MACC1: variants seen among roughly 807,000 people sequenced by gnomAD.
The protein encoded by MACC1 is MET transcriptional regulator MACC1, also known as metastasis-associated in colon cancer protein 1.
MACC1 carries 79 observed loss-of-function variants against 70.7 expected under a neutral mutation model. The observed-to-expected ratio is 1.12, with a 90% CI of 0.93 to 1.35. The LOEUF is 1.35. Among genes scored for constraint, MACC1 ranks in the 40% most tolerant of loss-of-function variants. The probability of loss-of-function intolerance (pLI) is 0.00; values close to 1 mark genes in which losing one functional copy is unlikely to be tolerated. For synonymous variants in MACC1, 361 were observed against 347.2 expected (o/e 1.04, Z -0.44); for missense variants, 1,106 against 978.1 (o/e 1.13, Z -1.74).
At chr7:20,181,146 T>C (rs1782500430) in intron 1 of MACC1, among the ~76,000 whole-genome samples, 1 of 152,016 alleles carries the variant, frequency 6.6e-6, no homozygotes, top group Non-Finnish European at 1.5e-5. Flanking sequence ...ATTCTCAATG[T>C]ACACATAAAC....
rs149826893 is a variant in MACC1, at chr7:20,173,551, A to C, written c.-217-2773T>G. Among the ~76,000 whole-genome samples, 48 of 152,328 alleles carry C rather than the reference A, an allele frequency of 3.2e-4. 3 individuals are homozygous for C. Among genetic ancestry groups the C allele is most frequent in the African/African-American group, 1.1e-3 (44 of 41,574 alleles). On this transcript the variant is annotated intron_variant, in intron 1 of 6. Coordinates refer to ENST00000400331, the MANE Select transcript of MACC1 (RefSeq NM_182762.4). ...ACACTTCTGGATAGTAAGGTGATGTAAAGGTTGCCTTTGGCATAAGTCCTT... is the reference window on the plus strand; with the variant it reads ...ACACTTCTGGATAGTAAGGTGATGTCAAGGTTGCCTTTGGCATAAGTCCTT...
At position 20,152,850 on chromosome 7, in the gene MACC1, A is replaced by T. The variant is rs193256785; in HGVS notation, c.2346+1343T>A. On this transcript the variant is annotated intron_variant, in intron 6 of 6. Coordinates refer to ENST00000400331, the MANE Select transcript of MACC1 (RefSeq NM_182762.4). Reference sequence around the variant, plus strand: ...ACTCTCAACAAAACTCTTTCAAAACAGAACCTTATTAAGAAAAAAAGGTCC... The same window carrying T: ...ACTCTCAACAAAACTCTTTCAAAACTGAACCTTATTAAGAAAAAAAGGTCC... Among the ~76,000 whole-genome samples the T allele has an allele frequency of 3.8e-3, 580 of 152,334 alleles. 1 individual carries two copies. Among genetic ancestry groups the T allele is most frequent in the Non-Finnish European group, 6.3e-3 (429 of 68,026 alleles).
intron 1 of MACC1, among the ~76,000 whole-genome samples, chr7:20,177,959 T>A (rs1349105261): frequency 7.2e-5 from 11 of 152,124 alleles, no homozygotes; most frequent in Non-Finnish European, 1.6e-4. Flanking sequence ...ACATGATTTT[T>A]AAATTTATCT....
Position 20,161,814 on chromosome 7 carries a change from T to C in MACC1, c.49A>G (p.Ser17Gly). 1 of 1,612,752 alleles carries C rather than the reference T, an allele frequency of 6.2e-7. No individual in the cohort carries two copies. The highest frequency in any genetic ancestry group is 1.1e-5 in the South Asian group (1 of 91,022). ...TCAATCAAATTTGCTTCAGACATAC[T>C]TTGTGCAATTCTTCCTGACCGAAAA... Reference protein sequence around the residue: ...KHFRSGRIAQSMSEANLIDME... With the variant: ...KHFRSGRIAQGMSEANLIDME... Residue 17 changes from serine (S) to glycine (G), a missense_variant, in exon 4 of 7, where the codon AGT becomes GGT. Physicochemically the swap from Ser to Gly is moderately conservative, Grantham distance 56 (BLOSUM62 0). Coordinates refer to ENST00000400331, the MANE Select transcript of MACC1 (RefSeq NM_182762.4).
At chr7:20,150,582 C>A (rs1781960395) in intron 6 of MACC1, 1 of 152,216 alleles carries the variant, frequency 6.6e-6, no homozygotes, top group African/African-American at 2.4e-5. Flanking sequence ...AATTATGAAT[C>A]TCTACAGGTG....
At position 20,159,083 on chromosome 7, in the gene MACC1, T is replaced by TAAAAATGACTGCTTCCCCCAGA; in HGVS notation, c.1256_1277dup (p.Leu426PhefsTer10). 4 of 1,612,524 alleles carry TAAAAATGACTGCTTCCCCCAGA rather than the reference T, an allele frequency of 2.5e-6. No individual in the cohort carries two copies. Among genetic ancestry groups the TAAAAATGACTGCTTCCCCCAGA allele is most frequent in the Non-Finnish European group, 3.4e-6 (4 of 1,179,600 alleles). On this transcript the variant is annotated frameshift_variant, in exon 5 of 7. Coordinates refer to ENST00000400331, the MANE Select transcript of MACC1 (RefSeq NM_182762.4). LOFTEE classifies it high-confidence loss of function. ...TACTTAAATCTTGTGGCTTGTCAAG[T>TAAAAATGACTGCTTCCCCCAGA]AAAAATGACTGCTTCCCCCAGAGCT...
At chr7:20,206,981 G>A (rs74792662) in intron 1 of MACC1, among the ~76,000 whole-genome samples, 1,935 of 152,140 alleles carry the variant, frequency 0.013, 36 homozygotes, top group African/African-American at 0.043. Context: ...TTAGTAATTT[G>A]ACTTCTTTTG....
rs1243057256 is a variant in MACC1 at position 20,158,555 on chromosome 7, G to A, written c.1806C>T (p.Leu602=). 4 of 1,613,886 alleles carry A rather than the reference G, an allele frequency of 2.5e-6. No homozygotes were observed. Among genetic ancestry groups the A allele is most frequent in the Non-Finnish European group, 3.4e-6 (4 of 1,179,962 alleles). Residue 602 remains leucine (L), a synonymous_variant, in exon 5 of 7, where the codon CTC becomes CTT. Transcript: ENST00000400331. ...SKVKEWYVGV[L]RGKIGLVHCK... is the part of the protein sequence containing the mutation. Reference sequence around the variant, plus strand: ...AGTGTACAAGTCCAATCTTACCTCTGAGGACTCCTACATACCATTCTTTCA... The same window carrying A: ...AGTGTACAAGTCCAATCTTACCTCTAAGGACTCCTACATACCATTCTTTCA...
At chr7:20,176,643 A>C (rs3094997) in intron 1 of MACC1, among the ~76,000 whole-genome samples, 73,732 of 152,022 alleles carry the variant, frequency 0.49, 19,643 homozygotes, top group East Asian at 0.86. Context: ...ATAGCAGCTT[A>C]GTATTTAATA....
At position 20,166,893 on chromosome 7, in the gene MACC1, A is replaced by C. The variant is rs1483940468; in HGVS notation, c.-152-2494T>G. Among the ~76,000 whole-genome samples, 3 of 152,222 alleles carry C rather than the reference A, an allele frequency of 2.0e-5. No individual in the cohort carries two copies. In the South Asian group the frequency reaches 6.2e-4, roughly 31 times the overall value. On this transcript the variant is annotated intron_variant, in intron 2 of 6. Transcript: ENST00000400331. ...GCATAACATCATATTAGTGAGACTA[A>C]ATCAGGGATATAAAAACAGTAGGTC...
At chr7:20,193,091 A>G (rs568496127) in intron 1 of MACC1, among the ~76,000 whole-genome samples, 61 of 152,342 alleles carry the variant, frequency 4.0e-4, no homozygotes, top group African/African-American at 1.4e-3. Context: ...CAGAAGGTAT[A>G]CAATAATATC....
chr7:20,214,980 C>T (rs1341090009), intron 1 of MACC1, among the ~76,000 whole-genome samples: 1 of 152,180 alleles, frequency 6.6e-6, no homozygotes, highest in Non-Finnish European at 1.5e-5. Context: ...ATTCAGGGCA[C>T]TGTGACTGCC....
chr7:20,139,688 A>G lies in MACC1; in HGVS notation c.*1258T>C, dbSNP rs145234147. 8 of 152,388 alleles carry G rather than the reference A, an allele frequency of 5.2e-5. No homozygotes were observed. The East Asian group carries it at 1.5e-3, about 29-fold the overall frequency. 9.4% of individuals were successfully genotyped at this position (152,388 alleles called of 1,614,324 possible). ...CACACATAAACACTGGCAGGCAACC[A>G]GAGGATTGAACAGAGGAGTAAGCAA... On this transcript the variant is annotated 3_prime_UTR_variant, in exon 7 of 7. Transcript: ENST00000400331.
At chr7:20,187,629 C>A in intron 1 of MACC1, among the ~76,000 whole-genome samples, 1 of 152,156 alleles carries the variant, frequency 6.6e-6, no homozygotes, top group Non-Finnish European at 1.5e-5. Context: ...GAACACTCTG[C>A]CCAATTATTG....
chr7:20,187,879 A>G (rs1782613196), intron 1 of MACC1, among the ~76,000 whole-genome samples: 1 of 152,192 alleles, frequency 6.6e-6, no homozygotes. Context: ...ACTATCAGAG[A>G]GAATGAATTA....
chr7:20,179,358 T>C (rs17363931), intron 1 of MACC1, among the ~76,000 whole-genome samples: 21,469 of 152,210 alleles, frequency 0.14, 1,657 homozygotes, highest in African/African-American at 0.19. Context: ...TTACTCAGCA[T>C]TCTATTTCTT....
rs151167809 is a variant in MACC1 at position 20,154,249 on chromosome 7, G to C, written c.2290C>G (p.Gln764Glu). The change falls in exon 6 of 7, where the codon CAA becomes GAA. Residue 764 changes from glutamine to glutamate, a missense_variant. Gln to Glu is a conservative substitution (Grantham distance 29). Transcript: ENST00000400331. ...AEKLVRLTKQ[Q>E]MEAYEIPHRG... ...TGAGGAATTTCATATGCCTCCATTT[G>C]TTGCTTTGTGAGTCGTACTAACTTT... is the stretch of plus-strand genomic sequence containing the variant. The C allele has an allele frequency of 1.2e-6, 2 of 1,613,948 alleles. No individual in the cohort carries two copies. The highest frequency in any genetic ancestry group is 3.3e-5 in the Admixed American group (2 of 59,976).
intron 1 of MACC1, among the ~76,000 whole-genome samples, chr7:20,184,719 A>G (rs1160635662): frequency 6.6e-6 from 1 of 152,206 alleles, no homozygotes; most frequent in East Asian, 1.9e-4. Flanking sequence ...CTGATTAAAC[A>G]ACACTCTTTA....
At chr7:20,197,065 A>C (rs1279329479) in intron 1 of MACC1, among the ~76,000 whole-genome samples, 1 of 152,228 alleles carries the variant, frequency 6.6e-6, no homozygotes, top group Non-Finnish European at 1.5e-5. Flanking sequence ...ACCCCACCAG[A>C]ACTCAAATTC....
Sources: gnomAD v4.1 joint callset for allele counts (sites outside exome capture counted in the v4.1 genomes callset) on GRCh38, gnomAD v4.1.1 for gene constraint, MANE v1.5 for transcripts, NCBI Gene and HGNC (gene_info 2026-07-23, HGNC 2026-07-21) for gene names.